The following RCBTB2 variants were observed in gnomAD, a reference collection of about 807,000 sequenced individuals.
RCBTB2 encodes the protein RCC1 and BTB domain-containing protein 2.
A neutral mutation model predicts 65.4 loss-of-function variants in RCBTB2; 55 were observed. The observed-to-expected ratio is 0.84, with a 90% CI of 0.68 to 1.05. RCBTB2 has a LOEUF of 1.05. RCBTB2 is among the 50% of genes least tolerant of loss of function. The pLI is 0.00. For synonymous variants in RCBTB2, 220 were observed against 255.2 expected (o/e 0.86, Z 1.31); for missense variants, 599 against 680.1 (o/e 0.88, Z 1.33).
At chr13:48,494,062 G>A (rs1949866891) in intron 14 of RCBTB2, among the ~76,000 whole-genome samples, 1 of 152,178 alleles carries the variant, frequency 6.6e-6, no homozygotes. Flanking sequence ...CAGTTTTGCA[G>A]TTTACTAGTT....
chr13:48,519,680 G>C (rs994630863), intron 4 of RCBTB2, among the ~76,000 whole-genome samples: 1 of 152,138 alleles, frequency 6.6e-6, no homozygotes, highest in Non-Finnish European at 1.5e-5. Flanking sequence ...CTTCAAGGAG[G>C]TCACAATTTA....
chr13:48,525,411 TA>T, intron 1 of RCBTB2, among the ~76,000 whole-genome samples: 2 of 125,640 alleles, frequency 1.6e-5, no homozygotes, highest in South Asian at 2.5e-4. Flanking sequence ...TATATATATA[TA>T]TATATATTCA....
chr13:48,497,923 C>T (rs1950050603), intron 13 of RCBTB2, among the ~76,000 whole-genome samples: 1 of 152,234 alleles, frequency 6.6e-6, no homozygotes, highest in African/African-American at 2.4e-5. Context: ...CTGCCCCAAG[C>T]CCCAGCTCTG....
intron 6 of RCBTB2, 123 bp from the exon 7 acceptor site, chr13:48,513,018 C>A (rs569452689): frequency 4.3e-6 from 3 of 699,260 alleles, no homozygotes; most frequent in South Asian, 2.3e-5. Flanking sequence ...AATCAACTTC[C>A]CCATTCCACC....
chr13:48,528,151 A>G (rs1029230511), intron 1 of RCBTB2, among the ~76,000 whole-genome samples: 1 of 152,188 alleles, frequency 6.6e-6, no homozygotes, highest in Non-Finnish European at 1.5e-5. Flanking sequence ...AATAACGTAG[A>G]GCAAAACAAT....
intron 4 of RCBTB2, 137 bp from the exon 5 acceptor site, chr13:48,515,878 T>G: frequency 2.3e-6 from 2 of 859,072 alleles, no homozygotes. Context: ...CTCTCGCAGC[T>G]GCAGGGATTG....
chr13:48,493,319 T>TCTCC (rs1949815737), intron 14 of RCBTB2, among the ~76,000 whole-genome samples: 1 of 109,732 alleles, frequency 9.1e-6, no homozygotes, highest in Non-Finnish European at 1.7e-5. Flanking sequence ...ACACACACTC[T>TCTCC]CTCTCTCTCT....
chr13:48,492,148 A>AT (rs1459243318), intron 14 of RCBTB2, among the ~76,000 whole-genome samples: 2 of 151,826 alleles, frequency 1.3e-5, no homozygotes, highest in African/African-American at 2.4e-5. Context: ...ATGACTTCCT[A>AT]TTTCACTGAG....
chr13:48,511,798 GC>G lies in RCBTB2; in HGVS notation c.754del (p.Ala252GlnfsTer19), dbSNP rs1223412259. 6.2e-7 allele frequency: 1 copy of G among 1,614,180 alleles called. No individual in the cohort carries two copies. On this transcript the variant is annotated frameshift_variant, in exon 9 of 15. Coordinates refer to ENST00000344532, the MANE Select transcript of RCBTB2 (RefSeq NM_001268.4). LOFTEE classifies it high-confidence loss of function. ...SGNQPTPCRV[A>X]ALQGIRVQRV... The stretch of plus-strand genomic sequence containing the variant: ...CTGGACACGGATGCCTTGCAAAGCT[GC>G]CACTCTGCAAGGGGTTGGCTGGTTG...
chr13:48,515,484 CT>C (rs3215827), intron 5 of RCBTB2, 101 bp downstream of exon 5: 348,957 of 1,225,258 alleles, frequency 0.28, 43,044 homozygotes, highest in African/African-American at 0.33. Flanking sequence ...AATTTCCATG[CT>C]TTTTTTTTTA....
At chr13:48,534,356 A>G (rs1379449827), upstream of RCBTB2, among the ~76,000 whole-genome samples, 1 of 152,170 alleles carries the variant, frequency 6.6e-6, no homozygotes, top group African/African-American at 2.4e-5. Context: ...ATTGTGTGCC[A>G]AGAGGTTTAT....
At chr13:48,533,504 C>A (rs1276421888), upstream of RCBTB2, among the ~76,000 whole-genome samples, 1 of 152,200 alleles carries the variant, frequency 6.6e-6, no homozygotes, top group Non-Finnish European at 1.5e-5. Context: ...TATTGCTGGC[C>A]CCTCTATCTG....
intron 1 of RCBTB2, among the ~76,000 whole-genome samples, chr13:48,530,874 G>A (rs1316191686): frequency 1.3e-5 from 2 of 152,170 alleles, no homozygotes; most frequent in Non-Finnish European, 2.9e-5. Context: ...TTTATCACAA[G>A]GGTCATGCCG....
At chr13:48,500,172 C>T (rs1225591784) in intron 12 of RCBTB2, among the ~76,000 whole-genome samples, 1 of 152,178 alleles carries the variant, frequency 6.6e-6, no homozygotes, top group African/African-American at 2.4e-5. Flanking sequence ...AAAATGTGAC[C>T]TTACTAGGAA....
chr13:48,502,938 A>G, intron 10 of RCBTB2, 24 bp from the exon 11 acceptor site: 2 of 1,548,528 alleles, frequency 1.3e-6, no homozygotes, highest in Non-Finnish European at 1.7e-6. Flanking sequence ...CACACACCAC[A>G]TAAGCACAGT....
chr13:48,503,277 T>C (rs1950331498), intron 10 of RCBTB2, among the ~76,000 whole-genome samples: 1 of 152,028 alleles, frequency 6.6e-6, no homozygotes. Flanking sequence ...TTAAAATTTT[T>C]CCCCCTAAAA....
chr13:48,515,593 T>C lies in RCBTB2; in HGVS notation c.191A>G (p.Asn64Ser), dbSNP rs1228952789. 1 of 1,592,360 alleles carries C rather than the reference T, an allele frequency of 6.3e-7. No homozygotes were observed. Among genetic ancestry groups the C allele is most frequent in the Non-Finnish European group, 8.5e-7 (1 of 1,173,910 alleles). ...AGNEVLYTTV[N>S]DEIFVLGTNC... ...TATTTTCTTCAAAATTACCTCATCA[T>C]TTACTGTAGTGTATAAAACTTCATT... Residue 64 changes from asparagine (N) to serine (S), a missense_variant, in exon 5 of 15, where the codon AAT becomes AGT. Physicochemically the swap from Asn to Ser is conservative, Grantham distance 46. Transcript: ENST00000344532.
chr13:48,493,264 T>TACACACACACACACAC (rs1566253976), intron 14 of RCBTB2, among the ~76,000 whole-genome samples: 3 of 88,074 alleles, frequency 3.4e-5, no homozygotes, highest in African/African-American at 2.2e-4. Context: ...CACACACTCT[T>TACACACACACACACAC]CTCTCTCTCA....
intron 14 of RCBTB2, among the ~76,000 whole-genome samples, chr13:48,491,083 GT>G (rs1566250459): frequency 1.3e-5 from 2 of 152,164 alleles, no homozygotes; most frequent in Non-Finnish European, 1.5e-5. Context: ...ATGCTGCTAG[GT>G]GGTGGTCAAT....
Sources: allele counts gnomAD v4.1 joint callset (sites outside exome capture counted in the v4.1 genomes callset), GRCh38; gene constraint gnomAD v4.1.1; transcripts MANE v1.5; gene names NCBI Gene and HGNC (gene_info 2026-07-23, HGNC 2026-07-21).